Variants in MECR observed in about 807,000 individuals in gnomAD.
MECR encodes the protein enoyl-[acyl-carrier-protein] reductase, mitochondrial.
MECR carries 37 observed loss-of-function variants against 49.1 expected under a neutral mutation model. That is an observed-to-expected ratio of 0.75 (90% CI 0.58 to 0.99). The LOEUF (loss-of-function observed/expected upper bound fraction) is 0.99, where lower values mean the gene tolerates loss of function less well. MECR is among the 50% of genes least tolerant of loss of function. The probability of loss-of-function intolerance (pLI) is 0.00; values close to 1 mark genes in which losing one functional copy is unlikely to be tolerated. For synonymous variants in MECR, 198 were observed against 191.1 expected (o/e 1.04, Z -0.30); for missense variants, 470 against 479.6 (o/e 0.98, Z 0.19).
chr1:29,171,831 CATACAGT>C, the MECR span: 1 of 152,114 alleles, frequency 6.6e-6, no homozygotes, highest in Non-Finnish European at 1.5e-5. Context: ...CCCTTAAATT[CATACAGT>C]ACCTCAATGA....
intron 1 of MECR, among the ~76,000 whole-genome samples, chr1:29,219,813 A>G (rs1326600335): frequency 6.6e-6 from 1 of 152,258 alleles, no homozygotes; most frequent in African/African-American, 2.4e-5. Flanking sequence ...AAACCTCGTT[A>G]GATCGTTTCC....
At chr1:29,181,835 C>A in the MECR span, 2 of 1,210,604 alleles carry the variant, frequency 1.7e-6, no homozygotes, top group South Asian at 2.1e-5. Context: ...GCGGCAGCGG[C>A]GGCGGCGGCA....
At chr1:29,202,098 G>C (rs1227883489) in intron 5 of MECR, 53 bp from the exon 6 acceptor site, 1 of 1,485,108 alleles carries the variant, frequency 6.7e-7, no homozygotes, top group Non-Finnish European at 9.4e-7. Flanking sequence ...TTCCACCAAA[G>C]CCCCCCAGGA....
chr1:29,198,454 G>GT (rs1430260209), intron 7 of MECR, among the ~76,000 whole-genome samples: 3 of 152,200 alleles, frequency 2.0e-5, no homozygotes, highest in Non-Finnish European at 4.4e-5. Flanking sequence ...GCCTACACCC[G>GT]TAACAACGCT....
intron 3 of MECR, among the ~76,000 whole-genome samples, chr1:29,212,067 T>C (rs1430833006): frequency 6.6e-6 from 1 of 152,234 alleles, no homozygotes; most frequent in African/African-American, 2.4e-5. Flanking sequence ...ACTGAGTTAA[T>C]TGCAGTCCTC....
the MECR span, among the ~76,000 whole-genome samples, chr1:29,184,459 A>C: frequency 6.6e-6 from 1 of 152,164 alleles, no homozygotes; most frequent in African/African-American, 2.4e-5. Context: ...CTATTTTGAA[A>C]GTAATAATTA....
At chr1:29,212,501 A>G (rs1678270736) in intron 3 of MECR, among the ~76,000 whole-genome samples, 1 of 152,154 alleles carries the variant, frequency 6.6e-6, no homozygotes, top group Non-Finnish European at 1.5e-5. Context: ...CACATGTACA[A>G]TTACCCATAC....
At position 29,216,051 on chromosome 1, in the gene MECR, G is replaced by A. The variant is rs1262081097; in HGVS notation, c.360C>T (p.Thr120=). The part of the protein sequence containing the change: ...AQVVAVGSNV[T]GLKPGDWVIP... ...TCACCCAGTCTCCTGGCTTCAGCCC[G>A]GTCACATTGCTGCCCACCGCTACCA... The change falls in exon 3 of 10, where the codon ACC becomes ACT. Residue 120 remains threonine (T), a synonymous_variant. Coordinates refer to ENST00000263702, the MANE Select transcript of MECR (RefSeq NM_016011.5). The A allele has an allele frequency of 2.4e-5, 38 of 1,613,892 alleles. No individual in the cohort carries two copies. Among genetic ancestry groups the A allele is most frequent in the East Asian group, 4.5e-5 (2 of 44,884 alleles).
chr1:29,197,190 C>A (rs1401116627), intron 7 of MECR, among the ~76,000 whole-genome samples: 1 of 152,184 alleles, frequency 6.6e-6, no homozygotes, highest in East Asian at 1.9e-4. Context: ...TGAAAAGAAA[C>A]ATGCTCTCCC....
At chr1:29,210,542 A>G (rs1574387109) in intron 3 of MECR, among the ~76,000 whole-genome samples, 1 of 152,308 alleles carries the variant, frequency 6.6e-6, no homozygotes, top group Middle Eastern at 3.4e-3. Flanking sequence ...TATGAAATCC[A>G]GGGCATTTTC....
At chr1:29,213,407 T>G (rs1678521970) in intron 3 of MECR, among the ~76,000 whole-genome samples, 1 of 152,192 alleles carries the variant, frequency 6.6e-6, no homozygotes, top group African/African-American at 2.4e-5. Flanking sequence ...TACTGTTTTT[T>G]TTTTTCCTGC....
chr1:29,179,089 T>C, the MECR span, among the ~76,000 whole-genome samples: 1 of 152,206 alleles, frequency 6.6e-6, no homozygotes, highest in East Asian at 1.9e-4. Context: ...GGCTCTTTCC[T>C]CTTATCGCTC....
downstream of MECR, among the ~76,000 whole-genome samples, chr1:29,188,097 T>A (rs1673064800): frequency 6.9e-6 from 1 of 145,788 alleles, no homozygotes; most frequent in African/African-American, 2.5e-5. Flanking sequence ...GTATTTTTAG[T>A]AGAGATGGGG....
At chr1:29,226,796 A>G (rs1276363883) in intron 1 of MECR, among the ~76,000 whole-genome samples, 1 of 152,100 alleles carries the variant, frequency 6.6e-6, no homozygotes, top group Non-Finnish European at 1.5e-5. Flanking sequence ...AAACCCCGTA[A>G]TATACAGGGA....
chr1:29,193,907 A>G lies in MECR; in HGVS notation c.*115T>C. On this transcript the variant is annotated 3_prime_UTR_variant, in exon 10 of 10. Transcript: ENST00000263702. The stretch of plus-strand genomic sequence containing the variant: ...TGGCTTCACCATCCTCCTAATAGGA[A>G]GAGGCAGTGAGGAGAACAGTAGTCT... 7.9e-7 allele frequency: 1 copy of G among 1,264,816 alleles called. No individual in the cohort carries two copies. Among genetic ancestry groups the G allele is most frequent in the Non-Finnish European group, 1.1e-6 (1 of 907,416 alleles). 78.3% of individuals were successfully genotyped at this position (1,264,816 alleles called of 1,614,324 possible).
At chr1:29,222,084 A>G (rs982805961) in intron 1 of MECR, among the ~76,000 whole-genome samples, 1 of 152,066 alleles carries the variant, frequency 6.6e-6, no homozygotes, top group African/African-American at 2.4e-5. Flanking sequence ...TCTTGGAGAT[A>G]CTGTTAGGTA....
chr1:29,210,758 C>G (rs1677799658), intron 3 of MECR, among the ~76,000 whole-genome samples: 1 of 152,154 alleles, frequency 6.6e-6, no homozygotes, highest in South Asian at 2.1e-4. Flanking sequence ...CTACCACTCA[C>G]TAGTGTGTGA....
chr1:29,175,273 G>A, the MECR span, among the ~76,000 whole-genome samples: 12 of 151,808 alleles, frequency 7.9e-5, no homozygotes, highest in African/African-American at 2.9e-4. Flanking sequence ...ATTAGCCGGG[G>A]GTGGTGGTGC....
intron 1 of MECR, among the ~76,000 whole-genome samples, chr1:29,216,975 A>C (rs992465214): frequency 1.3e-5 from 2 of 151,700 alleles, no homozygotes; most frequent in African/African-American, 4.8e-5. Flanking sequence ...TCTCTACTAA[A>C]ATACAAAAAT....
Sources: allele counts gnomAD v4.1 joint callset (sites outside exome capture counted in the v4.1 genomes callset), GRCh38; gene constraint gnomAD v4.1.1; transcripts MANE v1.5; gene names NCBI Gene and HGNC (gene_info 2026-07-23, HGNC 2026-07-21).